The following CLIC5 variants were observed in gnomAD, a reference collection of about 807,000 sequenced individuals.
CLIC5 encodes the protein chloride intracellular channel protein 5.
A neutral mutation model predicts 24.7 loss-of-function variants in CLIC5; 20 were observed. The ratio of observed to expected loss-of-function variants is 0.81; its 90% CI spans 0.57 to 1.18. The LOEUF is 1.18. CLIC5 is among the 50% of genes most tolerant of loss of function. CLIC5 has a pLI of 0.00. For synonymous variants in CLIC5, 159 were observed against 135.6 expected (o/e 1.17, Z -1.20); for missense variants, 341 against 326.1 (o/e 1.05, Z -0.35).
At chr6:45,974,952 T>A (rs1341117036) in intron 1 of CLIC5, among the ~76,000 whole-genome samples, 2 of 152,130 alleles carry the variant, frequency 1.3e-5, no homozygotes, top group African/African-American at 4.8e-5. Flanking sequence ...TCCACAAACT[T>A]ATGAAAGAAC....
Position 45,962,099 on chromosome 6 carries a change from G to A in CLIC5, c.64-6855C>T, listed in dbSNP as rs551575023. ...ACACACACACACACACACACATCCT[G>A]TTATATCTACTATATATGGAGAAAC... On this transcript the variant is annotated intron_variant, in intron 1 of 5. Transcript: ENST00000339561. 6.9e-5 allele frequency among the ~76,000 whole-genome samples: 10 copies of A among 145,154 alleles called. No individual in the cohort carries two copies. In the East Asian group the frequency reaches 2.1e-3, roughly 30 times the overall value.
intron 6 of CLIC5, among the ~76,000 whole-genome samples, chr6:45,890,722 C>T (rs190015536): frequency 6.6e-6 from 1 of 152,238 alleles, no homozygotes; most frequent in East Asian, 1.9e-4. Flanking sequence ...CAATGGAATG[C>T]CATTCAGCCT....
chr6:45,975,497 A>G (rs1765355262), intron 1 of CLIC5, among the ~76,000 whole-genome samples: 1 of 152,156 alleles, frequency 6.6e-6, no homozygotes, highest in South Asian at 2.1e-4. Context: ...ACATGTATAG[A>G]TGGCATCCTC....
intron 2 of CLIC5, among the ~76,000 whole-genome samples, chr6:45,952,015 T>C (rs1468629343): frequency 6.6e-6 from 1 of 152,214 alleles, no homozygotes; most frequent in African/African-American, 2.4e-5. Flanking sequence ...TTTTAGACAA[T>C]GAAAGGACAT....
At chr6:45,999,251 G>A (rs935392078) in intron 1 of CLIC5, among the ~76,000 whole-genome samples, 12 of 152,114 alleles carry the variant, frequency 7.9e-5, no homozygotes, top group African/African-American at 2.9e-4. Flanking sequence ...GCAGAAAGCA[G>A]AACCAAAAAT....
Position 46,037,500 on chromosome 6 carries a change from T to C in CLIC5, c.540+42203A>G, listed in dbSNP as rs115577854. On this transcript the variant is annotated intron_variant, in intron 1 of 5. Coordinates refer to the CLIC5 transcript ENST00000185206. The stretch of plus-strand genomic sequence containing the variant: ...TGCTGAACCAAGTTACCTTGAAACT[T>C]GATACATGTCACTTAAACTTCCTGA... Among the ~76,000 whole-genome samples the C allele has an allele frequency of 7.2e-3, 1,099 of 152,336 alleles. 7 individuals are homozygous for C. Among genetic ancestry groups the C allele is most frequent in the Non-Finnish European group, 0.013 (866 of 68,030 alleles).
rs1217239342 is a variant in CLIC5, at chr6:45,903,052, T to C, written c.*36A>G. On this transcript the variant is annotated 3_prime_UTR_variant, in exon 6 of 6. Coordinates refer to ENST00000339561, the MANE Select transcript of CLIC5 (RefSeq NM_016929.5). ...CTGGAGTCTTAGGGGAGTGGTTGAG[T>C]CCTTCTGCAGCGGGGATGGGGCAAA... The C allele has an allele frequency of 6.2e-7, 1 of 1,612,400 alleles. No homozygotes were observed. Among genetic ancestry groups the C allele is most frequent in the Admixed American group, 1.7e-5 (1 of 59,924 alleles).
At chr6:46,084,574 T>G (rs181874710), upstream of CLIC5, among the ~76,000 whole-genome samples, 997 of 152,376 alleles carry the variant, frequency 6.5e-3, 6 homozygotes, top group Middle Eastern at 0.017. Context: ...TTGAAAATTC[T>G]TTCCTTTAAG....
the CLIC5 span, among the ~76,000 whole-genome samples, chr6:46,114,995 G>A: frequency 1.3e-5 from 2 of 152,182 alleles, no homozygotes; most frequent in East Asian, 1.9e-4. Context: ...AAGCACTGAC[G>A]ATGAGTTATG....
At chr6:45,886,059 A>T (rs1228410307) in intron 6 of CLIC5, among the ~76,000 whole-genome samples, 2 of 152,138 alleles carry the variant, frequency 1.3e-5, no homozygotes, top group Non-Finnish European at 2.9e-5. Flanking sequence ...TGAAACCCCA[A>T]ATGAGCTCAA....
chr6:46,078,168 T>A (rs1430875884), intron 1 of CLIC5, among the ~76,000 whole-genome samples: 1 of 152,150 alleles, frequency 6.6e-6, no homozygotes, highest in East Asian at 1.9e-4. Context: ...GAGACCAGCC[T>A]GGCCAACATG....
intron 1 of CLIC5, among the ~76,000 whole-genome samples, chr6:46,023,522 T>A (rs1262584648): frequency 6.6e-6 from 1 of 152,168 alleles, no homozygotes; most frequent in Non-Finnish European, 1.5e-5. Context: ...TGACTAGTCT[T>A]GGATAAGAAA....
intron 4 of CLIC5, among the ~76,000 whole-genome samples, chr6:45,923,938 GATCATA>G (rs1763374477): frequency 6.6e-6 from 1 of 152,178 alleles, no homozygotes; most frequent in Non-Finnish European, 1.5e-5. Context: ...GCAAAGTGGA[GATCATA>G]ACATGGCATA....
intron 1 of CLIC5, among the ~76,000 whole-genome samples, chr6:45,970,563 C>T (rs1257673912): frequency 6.6e-6 from 1 of 152,080 alleles, no homozygotes; most frequent in African/African-American, 2.4e-5. Flanking sequence ...AGTAATTATA[C>T]CACACACACA....
downstream of CLIC5, among the ~76,000 whole-genome samples, chr6:45,897,128 G>A (rs964889046): frequency 1.3e-5 from 2 of 152,182 alleles, no homozygotes; most frequent in Non-Finnish European, 2.9e-5. Flanking sequence ...TTTGCAGCAT[G>A]TTGCCTTTGC....
intron 2 of CLIC5, among the ~76,000 whole-genome samples, chr6:45,954,008 G>T (rs1032877312): frequency 6.6e-6 from 1 of 152,146 alleles, no homozygotes; most frequent in Admixed American, 6.5e-5. Context: ...AGGAGCAGTG[G>T]CTCACGTCTG....
chr6:45,991,499 A>G (rs1765941685), intron 1 of CLIC5, among the ~76,000 whole-genome samples: 1 of 152,248 alleles, frequency 6.6e-6, no homozygotes, highest in Non-Finnish European at 1.5e-5. Context: ...GATACAGAGC[A>G]GAGGACCCAG....
At chr6:45,932,864 C>T (rs947829891) in intron 4 of CLIC5, 8 of 152,334 alleles carry the variant, frequency 5.3e-5, no homozygotes, top group Admixed American at 3.3e-4. Context: ...CCCCTGCTGC[C>T]TTATATGAGG....
chr6:45,921,707 G>A (rs566056914), intron 4 of CLIC5, among the ~76,000 whole-genome samples: 1 of 152,262 alleles, frequency 6.6e-6, no homozygotes, highest in South Asian at 2.1e-4. Flanking sequence ...ATCCTGGAGA[G>A]CTTGCAGGAT....
Sources: gnomAD v4.1 joint callset for allele counts (sites outside exome capture counted in the v4.1 genomes callset) on GRCh38, gnomAD v4.1.1 for gene constraint, MANE v1.5 for transcripts, NCBI Gene and HGNC (gene_info 2026-07-23, HGNC 2026-07-21) for gene names.